TFEC: variants seen among roughly 807,000 people sequenced by gnomAD.
TFEC encodes class E basic helix-loop-helix protein 34.
In TFEC, 31 loss-of-function variants were observed where a neutral mutation model predicts 41.6. That is an observed-to-expected ratio of 0.74 (90% CI 0.56 to 1.01). The LOEUF is 1.01. Among genes scored for constraint, TFEC ranks in the 50% least tolerant of loss-of-function variants. TFEC has a pLI of 0.00. For missense variants in TFEC, 402 were observed against 404.1 expected (o/e 0.99, Z 0.04); for synonymous variants, 143 against 140.6 (o/e 1.02, Z -0.12).
At chr7:115,993,439 A>T (rs922935682) in intron 1 of TFEC, among the ~76,000 whole-genome samples, 2 of 152,192 alleles carry the variant, frequency 1.3e-5, no homozygotes, top group African/African-American at 2.4e-5. Context: ...AGATGACATG[A>T]TTGTATATTT....
At chr7:116,119,990 C>T (rs1229684608) in intron 1 of TFEC, 1 of 150,368 alleles carries the variant, frequency 6.7e-6, no homozygotes, top group African/African-American at 2.4e-5. Flanking sequence ...AAAAAAGTAA[C>T]CAAACATTAA....
chr7:115,957,738 A>T (rs1467896815), intron 3 of TFEC, among the ~76,000 whole-genome samples: 1 of 151,876 alleles, frequency 6.6e-6, no homozygotes. Context: ...TTCCTCAATG[A>T]CTAGGAATAA....
chr7:116,059,481 C>T (rs1380080929), intron 3 of TFEC, among the ~76,000 whole-genome samples: 2 of 151,824 alleles, frequency 1.3e-5, no homozygotes, highest in African/African-American at 4.8e-5. Flanking sequence ...GTCTTCTTCC[C>T]CCACTCACTC....
chr7:115,980,782 A>C (rs1793595919), intron 2 of TFEC, among the ~76,000 whole-genome samples: 1 of 151,980 alleles, frequency 6.6e-6, no homozygotes, highest in Admixed American at 6.6e-5. Context: ...AAAAAACAAA[A>C]AAAAACAAAA....
At chr7:116,083,362 A>T (rs1410189762) in intron 3 of TFEC, among the ~76,000 whole-genome samples, 6 of 151,902 alleles carry the variant, frequency 3.9e-5, no homozygotes, top group East Asian at 1.9e-4. Flanking sequence ...CTAAAAAAAA[A>T]TTTGTATATT....
chr7:116,073,650 AAAGTCAATGGACCCAGAATAGCCAAAC>A (rs1224751836), intron 3 of TFEC, among the ~76,000 whole-genome samples: 1 of 151,932 alleles, frequency 6.6e-6, no homozygotes, highest in Non-Finnish European at 1.5e-5. Flanking sequence ...ATTCATATGG[AAAGTCAATGGACCCAGAATAGCCAAAC>A]AAGTCTTGAA....
intron 4 of TFEC, among the ~76,000 whole-genome samples, chr7:115,955,525 G>A (rs1253489726): frequency 6.6e-6 from 1 of 151,970 alleles, no homozygotes; most frequent in Non-Finnish European, 1.5e-5. Flanking sequence ...GCATCCTCCA[G>A]CCTCAGTCAA....
intron 3 of TFEC, among the ~76,000 whole-genome samples, chr7:116,077,802 G>A (rs940797609): frequency 6.6e-6 from 1 of 151,936 alleles, no homozygotes; most frequent in Non-Finnish European, 1.5e-5. Flanking sequence ...CCTAAGAAAT[G>A]AGATAAACAG....
upstream of TFEC, among the ~76,000 whole-genome samples, chr7:116,033,351 C>A (rs1294878655): frequency 6.6e-6 from 1 of 152,112 alleles, no homozygotes; most frequent in African/African-American, 2.4e-5. Flanking sequence ...TACTTCACTT[C>A]TCTTTGCCTC....
At chr7:115,983,948 A>G (rs1170954926) in intron 2 of TFEC, among the ~76,000 whole-genome samples, 3 of 152,154 alleles carry the variant, frequency 2.0e-5, no homozygotes, top group Admixed American at 2.0e-4. Context: ...CTACTGATAA[A>G]TATTTCAACT....
chr7:115,945,002 A>C (rs1217677926), intron 6 of TFEC, among the ~76,000 whole-genome samples: 1 of 150,146 alleles, frequency 6.7e-6, no homozygotes, highest in Non-Finnish European at 1.5e-5. Flanking sequence ...AATTTAAAAT[A>C]TCTCATACTA....
intron 1 of TFEC, among the ~76,000 whole-genome samples, chr7:116,010,291 C>T (rs1260061459): frequency 6.6e-6 from 1 of 151,790 alleles, no homozygotes; most frequent in Non-Finnish European, 1.5e-5. Flanking sequence ...ATGAGGGAGT[C>T]CAAGAAAGAA....
chr7:116,001,388 G>A (rs1365351260), intron 1 of TFEC, among the ~76,000 whole-genome samples: 1 of 151,854 alleles, frequency 6.6e-6, no homozygotes, highest in African/African-American at 2.4e-5. Flanking sequence ...CCAGCGAATC[G>A]GGAGGCTGAG....
rs995879870 is a variant in TFEC at position 116,100,779 on chromosome 7, C to A, written c.198+9929G>T. On this transcript the variant is annotated intron_variant, in intron 3 of 8. Coordinates refer to the TFEC transcript ENST00000484212. ...TTACAGTATTATGTGGGCTATCTATCTCAACAAATAATTGCTTGGCACTTC... is the reference window on the plus strand; with the variant it reads ...TTACAGTATTATGTGGGCTATCTATATCAACAAATAATTGCTTGGCACTTC... 1.1e-4 allele frequency among the ~76,000 whole-genome samples: 16 copies of A among 151,994 alleles called. 1 individual carries two copies. The highest frequency in any genetic ancestry group is 3.6e-4 in the African/African-American group (15 of 41,394).
At chr7:116,117,939 C>T (rs1798027126) in intron 1 of TFEC, among the ~76,000 whole-genome samples, 2 of 151,856 alleles carry the variant, frequency 1.3e-5, no homozygotes, top group South Asian at 2.1e-4. Flanking sequence ...CCAAGGCACT[C>T]GTATACATTG....
chr7:116,083,354 A>T (rs1797132495), intron 3 of TFEC, among the ~76,000 whole-genome samples: 1 of 151,196 alleles, frequency 6.6e-6, no homozygotes, highest in South Asian at 2.1e-4. Flanking sequence ...GCATAAATCT[A>T]AAAAAAAATT....
chr7:116,033,043 T>C (rs13240493), upstream of TFEC, among the ~76,000 whole-genome samples: 10 of 152,022 alleles, frequency 6.6e-5, no homozygotes, highest in Non-Finnish European at 1.0e-4. Context: ...TGTCTTTACC[T>C]GATTGATGTT....
At chr7:116,011,641 G>A (rs1795005097) in intron 1 of TFEC, among the ~76,000 whole-genome samples, 1 of 151,998 alleles carries the variant, frequency 6.6e-6, no homozygotes, top group African/African-American at 2.4e-5. Flanking sequence ...TTTATATTTA[G>A]AACTTATGGA....
intron 2 of TFEC, among the ~76,000 whole-genome samples, chr7:115,979,088 G>A (rs1440482132): frequency 6.6e-6 from 1 of 152,116 alleles, no homozygotes; most frequent in Non-Finnish European, 1.5e-5. Flanking sequence ...TTAAGGGAGA[G>A]TCTCACTTTC....
Sources: allele counts gnomAD v4.1 joint callset (sites outside exome capture counted in the v4.1 genomes callset), GRCh38; gene constraint gnomAD v4.1.1; transcripts MANE v1.5; gene names NCBI Gene and HGNC (gene_info 2026-07-23, HGNC 2026-07-21).